Variants in NOX3 observed in about 807,000 individuals in gnomAD.
NOX3 encodes NADPH oxidase catalytic subunit-like 3.
NOX3 carries 74 observed loss-of-function variants against 76.7 expected under a neutral mutation model. The observed-to-expected ratio is 0.96, with a 90% CI of 0.80 to 1.17. The LOEUF (loss-of-function observed/expected upper bound fraction) is 1.17. NOX3 is among the 50% of genes most tolerant of loss of function. The pLI is 0.00. For synonymous variants in NOX3, 263 were observed against 261.1 expected, an observed-to-expected ratio of 1.01 and a Z score of -0.07; for missense variants, 695 against 703.3, an observed-to-expected ratio of 0.99 and a Z score of 0.13.
intron 4 of NOX3, among the ~76,000 whole-genome samples, chr6:155,448,743 A>C (rs1777096675): frequency 6.6e-6 from 1 of 151,976 alleles, no homozygotes; most frequent in Non-Finnish European, 1.5e-5. Context: ...CAGGAGATCA[A>C]AGTGAGCATA....
At chr6:155,450,530 G>A (rs780257580) in intron 4 of NOX3, among the ~76,000 whole-genome samples, 3 of 152,294 alleles carry the variant, frequency 2.0e-5, no homozygotes, top group South Asian at 2.1e-4. Context: ...GCCAAGAGGC[G>A]TAAGGCACAG....
chr6:155,448,571 T>C (rs1777094282), intron 4 of NOX3, among the ~76,000 whole-genome samples: 1 of 146,318 alleles, frequency 6.8e-6, no homozygotes, highest in Non-Finnish European at 1.5e-5. Context: ...TTGGAAACAC[T>C]ACACATGCGC....
chr6:155,411,123 C>G (rs1776543827), intron 11 of NOX3, 91 bp downstream of exon 11: 1 of 973,834 alleles, frequency 1.0e-6, no homozygotes, highest in Non-Finnish European at 1.5e-6. Flanking sequence ...GTCATGCTAT[C>G]AGAGTGCTAC....
At chr6:155,429,651 T>C (rs1296951176) in intron 8 of NOX3, among the ~76,000 whole-genome samples, 1 of 152,192 alleles carries the variant, frequency 6.6e-6, no homozygotes, top group Non-Finnish European at 1.5e-5. Context: ...TTTCTAGTAG[T>C]GTTTATAAAA....
At chr6:155,436,254 C>A (rs930404702) in intron 7 of NOX3, among the ~76,000 whole-genome samples, 164 bp downstream of exon 7, 3 of 152,154 alleles carry the variant, frequency 2.0e-5, no homozygotes, top group Non-Finnish European at 4.4e-5. Context: ...TGGCAGTAAA[C>A]CTCTTTAAAA....
At chr6:155,449,308 A>G (rs565633910) in intron 4 of NOX3, among the ~76,000 whole-genome samples, 3 of 152,282 alleles carry the variant, frequency 2.0e-5, no homozygotes, top group Admixed American at 6.5e-5. Context: ...TCTGCCAGGG[A>G]GAGCTGCCTG....
chr6:155,433,922 C>CAA (rs1439814918), intron 7 of NOX3, among the ~76,000 whole-genome samples: 1 of 152,082 alleles, frequency 6.6e-6, no homozygotes, highest in Admixed American at 6.5e-5. Context: ...TCTTCTTCTT[C>CAA]AAAAAATGCT....
At chr6:155,439,764 T>C (rs1486554842) in intron 6 of NOX3, among the ~76,000 whole-genome samples, 192 bp downstream of exon 6, 1 of 152,164 alleles carries the variant, frequency 6.6e-6, no homozygotes, top group Admixed American at 6.5e-5. Flanking sequence ...AAAATAAATA[T>C]AATACTTCAC....
intron 10 of NOX3, among the ~76,000 whole-genome samples, chr6:155,411,759 T>C (rs1424360262): frequency 1.3e-5 from 2 of 152,208 alleles, no homozygotes; most frequent in Non-Finnish European, 2.9e-5. Context: ...GCTCTGGATT[T>C]GAACTTTCTT....
chr6:155,428,155 C>A (rs1166544427), intron 9 of NOX3, among the ~76,000 whole-genome samples: 1 of 152,256 alleles, frequency 6.6e-6, no homozygotes, highest in African/African-American at 2.4e-5. Context: ...CCCGCCTTGG[C>A]TTCCCAAAGT....
chr6:155,410,901 A>G (rs529378031), intron 11 of NOX3, among the ~76,000 whole-genome samples: 4 of 152,240 alleles, frequency 2.6e-5, no homozygotes, highest in Non-Finnish European at 5.9e-5. Flanking sequence ...AATCAGTAAT[A>G]TTCATTTGAT....
At chr6:155,451,180 T>C (rs1193315054) in intron 4 of NOX3, among the ~76,000 whole-genome samples, 2 of 152,118 alleles carry the variant, frequency 1.3e-5, no homozygotes, top group Non-Finnish European at 2.9e-5. Context: ...GGTTTCACCA[T>C]GTTGGTCAGG....
Position 155,440,103 on chromosome 6 carries a change from C to T in NOX3, c.521G>A (p.Gly174Asp). 6.2e-7 allele frequency: 1 copy of T among 1,612,556 alleles called. No individual in the cohort carries two copies. Among genetic ancestry groups the T allele is most frequent in the South Asian group, 1.1e-5 (1 of 90,642 alleles). ...CAGAGAGATCACCAGACCGGTGACG[C>T]CTGCTATTGTCCTTAGCAATTCAGT... ...TTTELLRTIAGVTGLVISLAL... is the reference protein window; with the variant it reads ...TTTELLRTIADVTGLVISLAL... Residue 174 changes from glycine (G) to aspartate (D), a missense_variant, in exon 6 of 14, where the codon GGC (glycine) becomes GAC (aspartate). Coordinates refer to ENST00000159060, the MANE Select transcript of NOX3 (RefSeq NM_015718.3).
chr6:155,451,888 A>G (rs1310022262), intron 4 of NOX3, among the ~76,000 whole-genome samples: 1 of 152,110 alleles, frequency 6.6e-6, no homozygotes, highest in Admixed American at 6.5e-5. Flanking sequence ...TCAGCCTCCC[A>G]AAGTGCTGGG....
intron 9 of NOX3, among the ~76,000 whole-genome samples, chr6:155,424,466 T>C (rs1776731504): frequency 6.6e-6 from 1 of 152,216 alleles, no homozygotes; most frequent in South Asian, 2.1e-4. Context: ...TGAACAAAGA[T>C]ATGCTAATTA....
At chr6:155,418,217 G>A (rs149425765) in intron 10 of NOX3, among the ~76,000 whole-genome samples, 19 of 152,120 alleles carry the variant, frequency 1.2e-4, no homozygotes, top group Admixed American at 3.3e-4. Context: ...CAAGCAAACC[G>A]TCCTAATTTT....
chr6:155,411,973 A>AT (rs1562460154), intron 10 of NOX3, among the ~76,000 whole-genome samples: 2 of 152,172 alleles, frequency 1.3e-5, no homozygotes, highest in Admixed American at 1.3e-4. Context: ...GGGAAGAATT[A>AT]TTTTTTTAAC....
chr6:155,428,777 G>C lies in NOX3; in HGVS notation c.1145+17C>G. On this transcript the variant is annotated intron_variant, in intron 9 of 13. Transcript: ENST00000159060. ...TTATAATACTGCAATTTATACATGA[G>C]AGAAATGGGCACGAACCTTGGCAGG... The C allele has an allele frequency of 6.8e-7, 1 of 1,470,364 alleles. No homozygotes were observed. The highest frequency in any genetic ancestry group is 1.5e-5 in the South Asian group (1 of 64,582). The allele number at this position is 1,470,364 out of a possible 1,614,324, so 91.1% of individuals were successfully genotyped here.
intron 5 of NOX3, among the ~76,000 whole-genome samples, chr6:155,442,382 T>G (rs1199093523): frequency 6.6e-6 from 1 of 152,340 alleles, no homozygotes; most frequent in Admixed American, 6.5e-5. Flanking sequence ...ATGGAACAAG[T>G]GTCCCAAAAC....
Sources: allele counts gnomAD v4.1 joint callset (sites outside exome capture counted in the v4.1 genomes callset), GRCh38; gene constraint gnomAD v4.1.1; transcripts MANE v1.5; gene names NCBI Gene and HGNC (gene_info 2026-07-23, HGNC 2026-07-21).